The following ZMYM2 variants were observed in gnomAD, a reference collection of about 807,000 sequenced individuals.
ZMYM2 encodes zinc finger MYM-type containing 2, also known as zinc finger MYM-type protein 2.
A neutral mutation model predicts 162.8 loss-of-function variants in ZMYM2; 56 were observed. That is an observed-to-expected ratio of 0.34 (90% CI 0.28 to 0.43). ZMYM2 has a LOEUF of 0.43. Among genes scored for constraint, ZMYM2 ranks in the 20% least tolerant of loss-of-function variants. ZMYM2 has a pLI of 1.00. For synonymous variants in ZMYM2, 510 were observed against 541.6 expected, an observed-to-expected ratio of 0.94 and a Z score of 0.81; for missense variants, 1,275 against 1,621.8, an observed-to-expected ratio of 0.79 and a Z score of 3.67.
chr13:19,897,574 GAAAA>G, the ZMYM2 span, among the ~76,000 whole-genome samples: 1 of 149,010 alleles, frequency 6.7e-6, no homozygotes, highest in Non-Finnish European at 1.5e-5. Flanking sequence ...AAAAGAAAAA[GAAAA>G]AGAAAGTAAA....
chr13:19,922,671 C>T, the ZMYM2 span, among the ~76,000 whole-genome samples: 1 of 151,864 alleles, frequency 6.6e-6, no homozygotes, highest in African/African-American at 2.4e-5. Context: ...GGTGAAACCC[C>T]GTCTCTACTA....
the ZMYM2 span, among the ~76,000 whole-genome samples, chr13:19,905,721 C>T: frequency 6.6e-6 from 1 of 152,234 alleles, no homozygotes; most frequent in Non-Finnish European, 1.5e-5. Context: ...ACCTACCTTG[C>T]TGTTTCCCTG....
intron 2 of ZMYM2, among the ~76,000 whole-genome samples, chr13:19,969,833 A>G (rs1166843122): frequency 2.6e-5 from 4 of 152,044 alleles, no homozygotes; most frequent in African/African-American, 9.6e-5. Context: ...TTTTAAAGCA[A>G]TCTGAAACAT....
chr13:20,019,873 T>C, intron 7 of ZMYM2: 1 of 410,400 alleles, frequency 2.4e-6, no homozygotes, highest in Non-Finnish European at 4.5e-6. Flanking sequence ...TCAGATTTTT[T>C]TAGTGCACAA....
chr13:19,996,855 C>G (rs1455335347), intron 3 of ZMYM2, among the ~76,000 whole-genome samples: 1 of 152,180 alleles, frequency 6.6e-6, no homozygotes, highest in Non-Finnish European at 1.5e-5. Context: ...CCACTACACT[C>G]TAGCCCAGGC....
intron 16 of ZMYM2, among the ~76,000 whole-genome samples, chr13:20,060,313 G>T (rs1484947583): frequency 2.0e-5 from 3 of 152,132 alleles, no homozygotes; most frequent in Non-Finnish European, 2.9e-5. Context: ...GTTCATCCTC[G>T]AGAGTGACAT....
intron 5 of ZMYM2, among the ~76,000 whole-genome samples, chr13:20,005,711 G>A (rs1420518357): frequency 6.6e-6 from 1 of 152,006 alleles, no homozygotes; most frequent in African/African-American, 2.4e-5. Context: ...ATTTATAATG[G>A]TTCTCCCCTC....
the ZMYM2 span, among the ~76,000 whole-genome samples, chr13:19,945,144 C>T: frequency 2.0e-5 from 3 of 152,050 alleles, no homozygotes; most frequent in Admixed American, 6.5e-5. Context: ...ACAAATCAAT[C>T]GTTATTTATT....
the ZMYM2 span, among the ~76,000 whole-genome samples, chr13:19,885,473 A>C: frequency 6.6e-6 from 1 of 152,118 alleles, no homozygotes; most frequent in Non-Finnish European, 1.5e-5. Flanking sequence ...TAGCTGCTTA[A>C]TTGCCATTCA....
chr13:19,885,959 A>ATGTGTG, the ZMYM2 span, among the ~76,000 whole-genome samples: 2 of 132,228 alleles, frequency 1.5e-5, no homozygotes, highest in Non-Finnish European at 3.2e-5. Context: ...ATACACATAT[A>ATGTGTG]TATGTGTATA....
chr13:19,961,177 C>T (rs573593096), intron 2 of ZMYM2, among the ~76,000 whole-genome samples: 1 of 149,658 alleles, frequency 6.7e-6, no homozygotes, highest in South Asian at 2.1e-4. Flanking sequence ...GAATAGTGTA[C>T]TGAACCTCCA....
At chr13:20,052,423 C>G in intron 14 of ZMYM2, 112 bp downstream of exon 14, 1 of 858,478 alleles carries the variant, frequency 1.2e-6, no homozygotes, top group South Asian at 2.0e-5. Flanking sequence ...TTTTTTTTTG[C>G]TTTACTGAGA....
the ZMYM2 span, among the ~76,000 whole-genome samples, chr13:19,951,827 T>C: frequency 6.6e-6 from 1 of 152,264 alleles, no homozygotes; most frequent in Non-Finnish European, 1.5e-5. Flanking sequence ...AACAGTATGA[T>C]GGTTTCTCAA....
chr13:19,962,759 A>C (rs778235999), intron 2 of ZMYM2, among the ~76,000 whole-genome samples: 3 of 150,542 alleles, frequency 2.0e-5, no homozygotes, highest in African/African-American at 4.9e-5. Flanking sequence ...CCTGGCCTCA[A>C]GTTATTCGCC....
At chr13:19,898,653 T>C in the ZMYM2 span, among the ~76,000 whole-genome samples, 1 of 151,984 alleles carries the variant, frequency 6.6e-6, no homozygotes, top group Non-Finnish European at 1.5e-5. Context: ...AGGCCAGGTG[T>C]GGTGGTTCAA....
intron 4 of ZMYM2, among the ~76,000 whole-genome samples, chr13:20,004,144 C>A (rs970869337): frequency 7.9e-5 from 12 of 152,178 alleles, no homozygotes; most frequent in African/African-American, 2.9e-4. Context: ...AATACTGAAA[C>A]AATTGTTACA....
At chr13:20,057,924 C>G (rs546303618) in intron 14 of ZMYM2, among the ~76,000 whole-genome samples, 9 of 152,120 alleles carry the variant, frequency 5.9e-5, no homozygotes, top group African/African-American at 1.9e-4. Flanking sequence ...TACTCCCTTA[C>G]GCTCATATCT....
At chr13:19,984,604 G>T (rs906993859) in intron 2 of ZMYM2, among the ~76,000 whole-genome samples, 8 of 152,172 alleles carry the variant, frequency 5.3e-5, no homozygotes, top group African/African-American at 1.7e-4. Flanking sequence ...GAAGAGTGGC[G>T]GCTACATGGA....
In ZMYM2 at chr13:20,049,090, G is replaced by T. The variant is rs575952686; in HGVS notation, c.2293-2343G>T. On this transcript the variant is annotated intron_variant, in intron 12 of 24. Transcript: ENST00000610343. ...AACACTTCACTAGGAGTTTGCATGA[G>T]TGGATGTCAAAGAAACAAAAGTTCA... is the stretch of plus-strand genomic sequence containing the variant. 5.1e-4 allele frequency among the ~76,000 whole-genome samples: 78 copies of T among 151,852 alleles called. 2 individuals are homozygous for T. The highest frequency in any genetic ancestry group is 9.9e-4 in the Non-Finnish European group (67 of 67,848).
Sources: allele counts gnomAD v4.1 joint callset (sites outside exome capture counted in the v4.1 genomes callset), GRCh38; gene constraint gnomAD v4.1.1; transcripts MANE v1.5; gene names NCBI Gene and HGNC (gene_info 2026-07-23, HGNC 2026-07-21).